Variants in LPO observed in about 807,000 individuals in gnomAD.
The protein encoded by LPO is lactoperoxidase.
A neutral mutation model predicts 68.4 loss-of-function variants in LPO; 70 were observed. That is an observed-to-expected ratio of 1.02 (90% CI 0.84 to 1.25). LPO has a LOEUF of 1.25. Among genes scored for constraint, LPO ranks in the 50% most tolerant of loss-of-function variants. The pLI is 0.00. For synonymous variants in LPO, 360 were observed against 357.6 expected (o/e 1.01, Z -0.08); for missense variants, 873 against 908.4 (o/e 0.96, Z 0.50).
chr17:58,253,982 C>T (rs1970012542), intron 8 of LPO, among the ~76,000 whole-genome samples: 1 of 152,066 alleles, frequency 6.6e-6, no homozygotes, highest in South Asian at 2.1e-4. Context: ...CATGGTGGCA[C>T]ATGCCTGTAG....
At chr17:58,250,706 C>A in intron 7 of LPO, 85 bp downstream of exon 7, 4 of 1,341,636 alleles carry the variant, frequency 3.0e-6, no homozygotes, top group Non-Finnish European at 4.2e-6. Context: ...GCTAGGATCT[C>A]TGGATAGATC....
chr17:58,264,836 ACCTTCG>A lies in LPO; in HGVS notation c.1387_1392del (p.Ala463_Phe464del), dbSNP rs764258097. The A allele has an allele frequency of 6.2e-7, 1 of 1,614,032 alleles. No homozygotes were observed. Among genetic ancestry groups the A allele is most frequent in the Admixed American group, 1.7e-5 (1 of 59,996 alleles). On this transcript the variant is annotated inframe_deletion, in exon 10 of 13. Coordinates refer to ENST00000262290, the MANE Select transcript of LPO (RefSeq NM_006151.3). ...GGATCCCAGAATTTCCAATGTCTTC[ACCTTCG>A]CCTTCCGCTTTGGCCACTTGGAGGT...
rs760575663 is a variant in LPO at position 58,254,867 on chromosome 17, C to T, written c.1162C>T (p.Arg388Cys). ...GGCCACATCCCACACCCTCTTTCTC[C>T]GCGAGCATAACCGGCTGGCCAGAGA... is the stretch of plus-strand genomic sequence containing the variant. The part of the protein sequence containing the change: ...LLATSHTLFL[R>C]EHNRLARELK... Residue 388 changes from arginine (R) to cysteine (C), a missense_variant, in exon 9 of 13, where the codon CGC (arginine) becomes TGC (cysteine). Physicochemically the swap from Arg to Cys is radical, Grantham distance 180 (BLOSUM62 -3). Coordinates refer to ENST00000262290, the MANE Select transcript of LPO (RefSeq NM_006151.3). 3.1e-6 allele frequency: 5 copies of T among 1,614,164 alleles called. No homozygotes were observed. The highest frequency in any genetic ancestry group is 1.7e-5 in the Admixed American group (1 of 60,026).
rs915639744 is a variant in LPO, at chr17:58,243,000, C to T, written c.21C>T (p.Leu7=). The stretch of plus-strand genomic sequence containing the variant: ...CAGTGATGAGGGTCCTTCTCCATCT[C>T]CCAGCCCTCCTGGCTTCCCTCATCT... MRVLLH[L]PALLASLILL... Residue 7 remains leucine, a synonymous_variant, in exon 2 of 13, where the codon CTC becomes CTT. Coordinates refer to ENST00000262290, the MANE Select transcript of LPO (RefSeq NM_006151.3). The T allele has an allele frequency of 3.1e-6, 5 of 1,614,096 alleles. No homozygotes were observed. Among genetic ancestry groups the T allele is most frequent in the Non-Finnish European group, 4.2e-6 (5 of 1,180,028 alleles).
chr17:58,245,213 G>C (rs1033185904), intron 3 of LPO, among the ~76,000 whole-genome samples: 1 of 152,164 alleles, frequency 6.6e-6, no homozygotes, highest in Non-Finnish European at 1.5e-5. Flanking sequence ...CCTCTGGCGG[G>C]AGAAGAGAGT....
At chr17:58,243,559 A>G (rs1000988262) in intron 2 of LPO, 10 of 240,752 alleles carry the variant, frequency 4.2e-5, no homozygotes, top group Non-Finnish European at 7.3e-5. Flanking sequence ...CCCCAATACA[A>G]GAGGGAACAG....
intron 7 of LPO, 172 bp from the exon 8 acceptor site, chr17:58,252,010 T>C: frequency 2.6e-6 from 2 of 767,768 alleles, no homozygotes; most frequent in Non-Finnish European, 4.8e-6. Context: ...TTCAGGATAT[T>C]ATGAGCCCAG....
chr17:58,257,304 G>A (rs1970091762), intron 9 of LPO, among the ~76,000 whole-genome samples: 1 of 151,908 alleles, frequency 6.6e-6, no homozygotes, highest in Non-Finnish European at 1.5e-5. Context: ...TACCCTTCCA[G>A]GGATCTGGTA....
chr17:58,266,291 T>C lies in LPO; in HGVS notation c.1658T>C (p.Ile553Thr). The change falls in exon 11 of 13, where the codon ATC (isoleucine) becomes ACC (threonine). Residue 553 changes from isoleucine (I) to threonine (T), a missense_variant. By Grantham distance (89) the Ile-to-Thr change is moderately conservative. Transcript: ENST00000262290. ...HRIHGFDLAAINTQRCRDHGQ... is the reference protein window; with the variant it reads ...HRIHGFDLAATNTQRCRDHGQ... ...ATCCATGGCTTTGACCTGGCTGCCA[T>C]CAACACACAGCGTTGCCGGGACCAT... 6.2e-7 allele frequency: 1 copy of C among 1,614,152 alleles called. No individual in the cohort carries two copies. Among genetic ancestry groups the C allele is most frequent in the Non-Finnish European group, 8.5e-7 (1 of 1,180,030 alleles).
chr17:58,243,046 A>T lies in LPO; in HGVS notation c.67A>T (p.Thr23Ser). 1 of 1,613,864 alleles carries T rather than the reference A, an allele frequency of 6.2e-7. No individual in the cohort carries two copies. The highest frequency in any genetic ancestry group is 1.1e-5 in the South Asian group (1 of 91,068). Residue 23 changes from threonine (T) to serine (S), a missense_variant, in exon 2 of 13, where the codon ACC becomes TCC. By Grantham distance (58) the Thr-to-Ser change is moderately conservative. Coordinates refer to ENST00000262290, the MANE Select transcript of LPO (RefSeq NM_006151.3). The stretch of plus-strand genomic sequence containing the variant: ...CATCTTGCTTCAGGCTGCAGCATCT[A>T]CCACAAGAGGTGAGTGTCTCCCTTT... ...SLILLQAAAS[T>S]TRAQTTRTSA...
Position 58,266,150 on chromosome 17 carries a change from C to T in LPO, c.1520-3C>T. ...AGCATGGCTTCTGGGTCTCCCTTGG[C>T]AGGTGGAATTGATCCTCTGGTGCGG... On this transcript the variant is annotated splice_polypyrimidine_tract_variant and splice_region_variant and intron_variant, in intron 10 of 12. Coordinates refer to ENST00000262290, the MANE Select transcript of LPO (RefSeq NM_006151.3). The T allele has an allele frequency of 6.2e-7, 1 of 1,613,532 alleles. No homozygotes were observed. Among genetic ancestry groups the T allele is most frequent in the Non-Finnish European group, 8.5e-7 (1 of 1,179,690 alleles).
chr17:58,267,904 A>G lies in LPO; in HGVS notation c.2049A>G (p.Pro683=). 3 of 1,614,168 alleles carry G rather than the reference A, an allele frequency of 1.9e-6. No individual in the cohort carries two copies. The highest frequency in any genetic ancestry group is 1.7e-6 in the Non-Finnish European group (2 of 1,180,016). Residue 683 remains proline (P), a synonymous_variant, in exon 13 of 13, where the codon CCA becomes CCG. Coordinates refer to ENST00000262290, the MANE Select transcript of LPO (RefSeq NM_006151.3). ...GCATCACCAAGGTCCCACGGGACCC[A>G]TTCTGGGCCAACAGCTACCCCTATG... ...NTRITKVPRD[P]FWANSYPYDF... is the part of the protein sequence containing the mutation.
chr17:58,251,631 T>G, intron 7 of LPO: 1 of 345,982 alleles, frequency 2.9e-6, no homozygotes, highest in South Asian at 2.3e-5. Context: ...GAGCATAAAC[T>G]GTGGAATGAA....
chr17:58,249,814 G>T, intron 6 of LPO, 119 bp downstream of exon 6: 2 of 1,335,766 alleles, frequency 1.5e-6, no homozygotes, highest in Non-Finnish European at 9.8e-7. Flanking sequence ...GCGCGATGGA[G>T]ATCTGCACAG....
At chr17:58,240,079 A>G (rs1481045473) in intron 1 of LPO, among the ~76,000 whole-genome samples, 2 of 152,206 alleles carry the variant, frequency 1.3e-5, no homozygotes, top group African/African-American at 4.8e-5. Flanking sequence ...GATATGGATG[A>G]AATACTGTGG....
rs530018914 is a variant in LPO, at chr17:58,260,732, T to G, written c.1267-3990T>G. Among the ~76,000 whole-genome samples the G allele has an allele frequency of 2.6e-5, 4 of 152,366 alleles. No individual in the cohort carries two copies. The South Asian group carries it at 8.3e-4, about 32-fold the overall frequency. On this transcript the variant is annotated intron_variant, in intron 9 of 12. Transcript: ENST00000262290. Reference sequence around the variant, plus strand: ...AAGTTTCTTGAAGTAGAAACTTAGATGACTGATTTGCAATCTTTTCTATTT... The same window carrying G: ...AAGTTTCTTGAAGTAGAAACTTAGAGGACTGATTTGCAATCTTTTCTATTT...
chr17:58,266,016 C>T lies in LPO; in HGVS notation c.1520-137C>T, dbSNP rs568307117. On this transcript the variant is annotated intron_variant, in intron 10 of 12. Coordinates refer to ENST00000262290, the MANE Select transcript of LPO (RefSeq NM_006151.3). ...TTCAGGCTGCACTGTGCTCTTCTCT[C>T]CCTCCTTCCAGCCTGGGATGTCCAG... The T allele has an allele frequency of 1.4e-5, 11 of 778,264 alleles. No individual in the cohort carries two copies. The South Asian group carries it at 2.0e-4, about 14-fold the overall frequency. The allele number at this position is 778,264 out of a possible 1,614,324, so 48.2% of individuals were successfully genotyped here.
At chr17:58,258,770 A>T (rs1233030417) in intron 9 of LPO, among the ~76,000 whole-genome samples, 1 of 152,126 alleles carries the variant, frequency 6.6e-6, no homozygotes, top group African/African-American at 2.4e-5. Context: ...ATCCTTTCTG[A>T]TAGGTGTGTA....
At chr17:58,263,704 C>T (rs957900012) in intron 9 of LPO, among the ~76,000 whole-genome samples, 27 of 151,976 alleles carry the variant, frequency 1.8e-4, no homozygotes, top group African/African-American at 5.8e-4. Flanking sequence ...GGCATCACTG[C>T]ATTCCAGCCT....
Sources: allele counts gnomAD v4.1 joint callset (sites outside exome capture counted in the v4.1 genomes callset), GRCh38; gene constraint gnomAD v4.1.1; transcripts MANE v1.5; gene names NCBI Gene and HGNC (gene_info 2026-07-23, HGNC 2026-07-21).